Variants in SWT1 observed in about 807,000 individuals in gnomAD.
The protein encoded by SWT1 is SWT1 RNA endoribonuclease homolog, also known as transcriptional protein SWT1.
Under a neutral mutation model 107.3 loss-of-function variants are expected in SWT1, and 33 were observed. The observed-to-expected ratio is 0.31, with a 90% CI of 0.23 to 0.41. The LOEUF (loss-of-function observed/expected upper bound fraction) is 0.41, where lower values mean the gene tolerates loss of function less well. Ranked by LOEUF, SWT1 falls within the 10% of genes least tolerant of loss-of-function variation. SWT1 has a pLI of 1.00. For synonymous variants in SWT1, 345 were observed against 348.3 expected (o/e 0.99, Z 0.11); for missense variants, 898 against 1,028.9 (o/e 0.87, Z 1.74).
intron 15 of SWT1, chr1:185,226,934 C>G (rs2102549767): frequency 1.9e-6 from 2 of 1,066,838 alleles, no homozygotes; most frequent in Non-Finnish European, 2.8e-6. Flanking sequence ...TCTGCGGCGT[C>G]TTTTCATAGA....
chr1:185,249,062 GATAGTGTCTGGATC>G (rs1226380035), intron 16 of SWT1, among the ~76,000 whole-genome samples: 2 of 152,084 alleles, frequency 1.3e-5, no homozygotes. Context: ...GCTGCATTCA[GATAGTGTCTGGATC>G]TCCAGACACT....
intron 16 of SWT1, among the ~76,000 whole-genome samples, chr1:185,233,989 C>A (rs188997649): frequency 6.6e-6 from 1 of 152,152 alleles, no homozygotes; most frequent in Non-Finnish European, 1.5e-5. Context: ...CATGATCCAC[C>A]CCCCTCAGCC....
intron 10 of SWT1, among the ~76,000 whole-genome samples, chr1:185,202,305 T>C (rs1352232128): frequency 6.6e-6 from 1 of 152,180 alleles, no homozygotes; most frequent in African/African-American, 2.4e-5. Flanking sequence ...CTTTGGATAA[T>C]CACATTCCTG....
At chr1:185,237,347 T>C (rs1416047976) in intron 16 of SWT1, among the ~76,000 whole-genome samples, 1 of 152,142 alleles carries the variant, frequency 6.6e-6, no homozygotes, top group Non-Finnish European at 1.5e-5. Flanking sequence ...GTGGCACATA[T>C]ACACCATGGA....
At chr1:185,168,575 G>GTT (rs1237113093) in intron 4 of SWT1, among the ~76,000 whole-genome samples, 177 bp downstream of exon 4, 1 of 152,144 alleles carries the variant, frequency 6.6e-6, no homozygotes, top group Non-Finnish European at 1.5e-5. Context: ...TTAAGAAAAA[G>GTT]TTGAGTGAAA....
At chr1:185,261,616 A>G (rs2102694772) in intron 16 of SWT1, among the ~76,000 whole-genome samples, 1 of 151,562 alleles carries the variant, frequency 6.6e-6, no homozygotes, top group African/African-American at 2.4e-5. Context: ...AATTCCCAAC[A>G]AGAGTGCACA....
chr1:185,270,071 G>A (rs866047611), intron 16 of SWT1, among the ~76,000 whole-genome samples: 55 of 152,092 alleles, frequency 3.6e-4, no homozygotes, highest in African/African-American at 1.3e-3. Context: ...TATTTCATAT[G>A]CTGTTGTAAT....
rs1056808600 is a variant in SWT1 at position 185,180,538 on chromosome 1, T to C, written c.1026+88T>C. 7 of 915,806 alleles carry C rather than the reference T, an allele frequency of 7.6e-6. No homozygotes were observed. The East Asian group carries it at 1.0e-4, about 13-fold the overall frequency. 56.7% of individuals were successfully genotyped at this position (915,806 alleles called of 1,614,324 possible). On this transcript the variant is annotated intron_variant, in intron 6 of 18. Coordinates refer to ENST00000367500, the MANE Select transcript of SWT1 (RefSeq NM_017673.7). ...TAAAAAATAATGACTGTAGAAACCC[T>C]GATAATATGAAAATAACAATGATGT...
intron 16 of SWT1, among the ~76,000 whole-genome samples, chr1:185,269,745 T>C (rs1663713575): frequency 6.6e-6 from 1 of 152,232 alleles, no homozygotes; most frequent in Non-Finnish European, 1.5e-5. Context: ...TATTTACTTA[T>C]TTTATAGCTT....
intron 9 of SWT1, among the ~76,000 whole-genome samples, chr1:185,186,197 A>G (rs1199112760): frequency 1.3e-5 from 2 of 152,220 alleles, no homozygotes; most frequent in East Asian, 1.9e-4. Flanking sequence ...TCCTCATTAT[A>G]TGAAAAGCTT....
chr1:185,275,711 C>A (rs1397857219), intron 17 of SWT1, among the ~76,000 whole-genome samples: 1 of 151,752 alleles, frequency 6.6e-6, no homozygotes, highest in African/African-American at 2.4e-5. Flanking sequence ...TTTAAACTTA[C>A]AGTGAATGAA....
chr1:185,210,742 A>G (rs1325070654), intron 13 of SWT1, among the ~76,000 whole-genome samples: 2 of 152,156 alleles, frequency 1.3e-5, no homozygotes, highest in Non-Finnish European at 2.9e-5. Flanking sequence ...AGTTAGGAAA[A>G]GGGGAAGTCA....
chr1:185,182,761 A>G (rs890261588), intron 7 of SWT1, among the ~76,000 whole-genome samples: 2 of 150,548 alleles, frequency 1.3e-5, no homozygotes, highest in African/African-American at 4.9e-5. Context: ...AATTTTGATC[A>G]TTTTTTTTGC....
intron 16 of SWT1, chr1:185,262,313 T>G (rs1663075260): frequency 6.6e-6 from 1 of 152,050 alleles, no homozygotes; most frequent in Non-Finnish European, 1.5e-5. Flanking sequence ...TGGCTCCCTT[T>G]AGTACATTGT....
intron 9 of SWT1, among the ~76,000 whole-genome samples, chr1:185,187,053 CTTTTTT>C (rs34634110): frequency 1.7e-5 from 2 of 118,772 alleles, no homozygotes; most frequent in African/African-American, 6.6e-5. Context: ...CCGCGCCCAG[CTTTTTT>C]TTTTTTTTTT....
In SWT1 at chr1:185,209,822, CT is replaced by C. The variant is rs568893943; in HGVS notation, c.1972+3060del. ...CACACTGTCTTCCACAATGGTTGAA[CT>C]AATTAACACTCCCACCAACAGTGTA... On this transcript the variant is annotated intron_variant, in intron 13 of 18. Coordinates refer to ENST00000367500, the MANE Select transcript of SWT1 (RefSeq NM_017673.7). 2.8e-3 allele frequency among the ~76,000 whole-genome samples: 425 copies of C among 152,328 alleles called. 5 individuals are homozygous for C. The highest frequency in any genetic ancestry group is 9.9e-3 in the African/African-American group (411 of 41,576).
At chr1:185,184,963 T>G in intron 9 of SWT1, 32 bp downstream of exon 9, 1 of 1,372,818 alleles carries the variant, frequency 7.3e-7, no homozygotes, top group Non-Finnish European at 9.6e-7. Flanking sequence ...TGCCTCCTGA[T>G]TAATACTTGT....
At chr1:185,245,851 C>T (rs1035522059) in intron 16 of SWT1, among the ~76,000 whole-genome samples, 1 of 151,534 alleles carries the variant, frequency 6.6e-6, no homozygotes, top group Admixed American at 6.6e-5. Flanking sequence ...TCACTGCAAC[C>T]TCTGCCTCCC....
intron 18 of SWT1, among the ~76,000 whole-genome samples, chr1:185,290,129 A>G (rs571063130): frequency 1.3e-4 from 19 of 151,928 alleles, no homozygotes; most frequent in Non-Finnish European, 2.5e-4. Context: ...AAACAAAACA[A>G]AATTAGATGT....
Sources: gnomAD v4.1 joint callset for allele counts (sites outside exome capture counted in the v4.1 genomes callset) on GRCh38, gnomAD v4.1.1 for gene constraint, MANE v1.5 for transcripts, NCBI Gene and HGNC (gene_info 2026-07-23, HGNC 2026-07-21) for gene names.